The following EYS variants were observed in gnomAD, a reference collection of about 807,000 sequenced individuals.
The protein encoded by EYS is protein eyes shut homolog.
In EYS, 250 loss-of-function variants were observed where a neutral mutation model predicts 282.1. That is an observed-to-expected ratio of 0.89 (90% CI 0.80 to 0.98). The LOEUF is 0.98. EYS is among the 50% of genes least tolerant of loss of function. The pLI is 0.00. For missense variants in EYS, 4,016 were observed against 3,709.0 expected (o/e 1.08, Z -2.15); for synonymous variants, 1,355 against 1,282.9 (o/e 1.06, Z -1.20).
intron 13 of EYS, among the ~76,000 whole-genome samples, chr6:65,053,625 G>C (rs369556757): frequency 6.6e-6 from 1 of 151,712 alleles, no homozygotes; most frequent in African/African-American, 2.4e-5. Context: ...TACACCAGGG[G>C]CCAGCAAATG....
chr6:64,594,534 C>T (rs1363241231), intron 24 of EYS, among the ~76,000 whole-genome samples: 1 of 151,992 alleles, frequency 6.6e-6, no homozygotes, highest in African/African-American at 2.4e-5. Flanking sequence ...AGTTCATGTC[C>T]TTTGTAGGGA....
At chr6:63,790,053 A>G (rs1427610194) in intron 37 of EYS, among the ~76,000 whole-genome samples, 5 of 152,230 alleles carry the variant, frequency 3.3e-5, no homozygotes, top group Admixed American at 6.5e-5. Context: ...GAAGAATTCA[A>G]TACTGAGGCT....
At chr6:64,221,537 T>C (rs1766102603) in intron 31 of EYS, among the ~76,000 whole-genome samples, 2 of 152,164 alleles carry the variant, frequency 1.3e-5, no homozygotes, top group Admixed American at 1.3e-4. Flanking sequence ...TAGTCTGTGG[T>C]ATTCTGTTAT....
At chr6:64,634,070 G>A (rs1216558954) in intron 22 of EYS, among the ~76,000 whole-genome samples, 6 of 152,072 alleles carry the variant, frequency 3.9e-5, no homozygotes, top group African/African-American at 9.7e-5. Flanking sequence ...TTCAACCTCC[G>A]CCTCCCGAGT....
At chr6:64,270,547 T>A (rs1767908819) in intron 30 of EYS, among the ~76,000 whole-genome samples, 1 of 152,056 alleles carries the variant, frequency 6.6e-6, no homozygotes, top group African/African-American at 2.4e-5. Flanking sequence ...TGATACTTAA[T>A]GAAAATGAAA....
intron 12 of EYS, among the ~76,000 whole-genome samples, chr6:65,108,063 G>T (rs1391081575): frequency 6.6e-6 from 1 of 151,830 alleles, no homozygotes; most frequent in Non-Finnish European, 1.5e-5. Flanking sequence ...ATAGTATTTT[G>T]CATTTACTAG....
chr6:65,589,420 T>C (rs1209435554), intron 2 of EYS, among the ~76,000 whole-genome samples: 6 of 152,034 alleles, frequency 3.9e-5, no homozygotes, highest in South Asian at 2.1e-4. Flanking sequence ...TCTATTTCAA[T>C]ATCTATTTTA....
intron 33 of EYS, among the ~76,000 whole-genome samples, chr6:64,026,834 G>A (rs967681991): frequency 6.6e-6 from 1 of 152,060 alleles, no homozygotes; most frequent in African/African-American, 2.4e-5. Context: ...GTAGAGGGAG[G>A]GGAATTTGGC....
At chr6:64,114,652 T>G (rs1773315807) in intron 31 of EYS, among the ~76,000 whole-genome samples, 1 of 152,154 alleles carries the variant, frequency 6.6e-6, no homozygotes, top group African/African-American at 2.4e-5. Flanking sequence ...TTCTAGTGGC[T>G]TACTCTGCAG....
chr6:65,016,042 T>C (rs1276081908), intron 13 of EYS, among the ~76,000 whole-genome samples: 1 of 124,834 alleles, frequency 8.0e-6, no homozygotes, highest in Non-Finnish European at 1.7e-5. Context: ...AGACTCCACA[T>C]CAAAAAAAGA....
chr6:65,670,543 G>A (rs1273217239), intron 1 of EYS, among the ~76,000 whole-genome samples: 1 of 152,052 alleles, frequency 6.6e-6, no homozygotes, highest in Non-Finnish European at 1.5e-5. Flanking sequence ...CAGTAGAAGT[G>A]TTAGTCTAAG....
chr6:64,540,006 G>A lies in EYS; in HGVS notation c.5644+50217C>T, dbSNP rs564834390. On this transcript the variant is annotated intron_variant, in intron 26 of 42. Coordinates refer to ENST00000503581, the MANE Select transcript of EYS (RefSeq NM_001142800.2). Reference sequence around the variant, plus strand: ...AAAGTTTCCTCCTACTCTGAGAGCTGAGAAGAGAGGAACCATTTCCAAGCT... The same window carrying A: ...AAAGTTTCCTCCTACTCTGAGAGCTAAGAAGAGAGGAACCATTTCCAAGCT... Among the ~76,000 whole-genome samples, 7 of 152,308 alleles carry A rather than the reference G, an allele frequency of 4.6e-5. No individual in the cohort carries two copies. In the East Asian group the frequency reaches 1.4e-3, roughly 29 times the overall value.
chr6:64,250,965 C>T (rs571336018), intron 30 of EYS, among the ~76,000 whole-genome samples: 5 of 152,040 alleles, frequency 3.3e-5, no homozygotes, highest in South Asian at 2.1e-4. Context: ...TGAGGAAACA[C>T]GTAAGTAGAT....
intron 12 of EYS, among the ~76,000 whole-genome samples, chr6:65,238,641 A>T (rs1177310143): frequency 1.3e-5 from 2 of 152,154 alleles, no homozygotes; most frequent in East Asian, 3.9e-4. Context: ...TGTTATTGCT[A>T]TTATGACTAA....
At chr6:64,461,645 A>G (rs143274072) in intron 26 of EYS, among the ~76,000 whole-genome samples, 2,017 of 152,320 alleles carry the variant, frequency 0.013, 14 homozygotes, top group Non-Finnish European at 0.022. Context: ...GTGGTTTAAC[A>G]GAAATGCACA....
At chr6:65,686,896 A>T (rs1256961805) in intron 1 of EYS, among the ~76,000 whole-genome samples, 1 of 152,032 alleles carries the variant, frequency 6.6e-6, no homozygotes, top group Non-Finnish European at 1.5e-5. Flanking sequence ...GGGCTTGGTG[A>T]CAACATGAAA....
chr6:65,621,189 A>T (rs1368010629), intron 2 of EYS, among the ~76,000 whole-genome samples: 2 of 152,084 alleles, frequency 1.3e-5, no homozygotes, highest in Non-Finnish European at 2.9e-5. Context: ...TGGGAGTCTA[A>T]GTCTCTTTGT....
At chr6:65,561,457 T>C (rs1769054397) in intron 2 of EYS, among the ~76,000 whole-genome samples, 1 of 152,172 alleles carries the variant, frequency 6.6e-6, no homozygotes, top group African/African-American at 2.4e-5. Flanking sequence ...TCATTTGTCA[T>C]TGAATTCAGA....
chr6:65,214,944 G>A (rs1046195316), intron 12 of EYS, among the ~76,000 whole-genome samples: 25 of 152,062 alleles, frequency 1.6e-4, no homozygotes, highest in African/African-American at 5.8e-4. Context: ...AATATTTTAA[G>A]CCCACTGTTG....
Sources: allele counts gnomAD v4.1 joint callset (sites outside exome capture counted in the v4.1 genomes callset), GRCh38; gene constraint gnomAD v4.1.1; transcripts MANE v1.5; gene names NCBI Gene and HGNC (gene_info 2026-07-23, HGNC 2026-07-21).